Variants in SDCCAG8 observed in about 807,000 individuals in gnomAD.
The protein encoded by SDCCAG8 is SHH signaling and ciliogenesis regulator SDCCAG8.
SDCCAG8 carries 74 observed loss-of-function variants against 101.8 expected under a neutral mutation model. That is an observed-to-expected ratio of 0.73 (90% CI 0.60 to 0.88). The LOEUF is 0.88. Among genes scored for constraint, SDCCAG8 ranks in the 40% least tolerant of loss-of-function variants. The pLI is 0.00. For missense variants in SDCCAG8, 787 were observed against 822.6 expected, an observed-to-expected ratio of 0.96 and a Z score of 0.53; for synonymous variants, 281 against 292.9, an observed-to-expected ratio of 0.96 and a Z score of 0.41.
chr1:243,491,157 G>A (rs963442273), intron 17 of SDCCAG8, among the ~76,000 whole-genome samples: 3 of 152,192 alleles, frequency 2.0e-5, no homozygotes, highest in Non-Finnish European at 4.4e-5. Context: ...CCATCTGCCT[G>A]CTTTACAGCA....
chr1:243,394,048 C>A (rs1340120622), intron 13 of SDCCAG8, among the ~76,000 whole-genome samples: 3 of 152,138 alleles, frequency 2.0e-5, no homozygotes, highest in East Asian at 1.9e-4. Flanking sequence ...ATTAAGTAGT[C>A]GTGGTTCTTG....
rs1401145435 is a variant in SDCCAG8 at position 243,274,545 on chromosome 1, G to T, written c.309G>T (p.Arg103Ser). Residue 103 changes from arginine (R) to serine (S), a missense_variant and splice_region_variant, in exon 4 of 18, where the codon AGG becomes AGT. Arg to Ser is a moderately radical substitution (Grantham distance 110, BLOSUM62 -1). Transcript: ENST00000366541. Reference sequence around the variant, plus strand: ...TATTTATTTATTTTTTGTCATAGAGGTCATTAGAACATGAGGAAACCAATA... The same window carrying T: ...TATTTATTTATTTTTTGTCATAGAGTTCATTAGAACATGAGGAAACCAATA... Reference protein sequence around the residue: ...PSRRRKMSPLRSLEHEETNMP... With the variant: ...PSRRRKMSPLSSLEHEETNMP... The T allele has an allele frequency of 2.6e-6, 4 of 1,533,620 alleles. No individual in the cohort carries two copies. Among genetic ancestry groups the T allele is most frequent in the East Asian group, 4.5e-5 (2 of 44,336 alleles).
chr1:243,290,204 C>T (rs1047583214), intron 5 of SDCCAG8, among the ~76,000 whole-genome samples: 3 of 135,524 alleles, frequency 2.2e-5, no homozygotes, highest in East Asian at 2.1e-4. Context: ...CCACCGCTCC[C>T]GCCCCCCGAT....
chr1:243,497,451 G>A (rs1411095060), intron 17 of SDCCAG8, among the ~76,000 whole-genome samples: 1 of 152,074 alleles, frequency 6.6e-6, no homozygotes, highest in Non-Finnish European at 1.5e-5. Flanking sequence ...GATGGCCATG[G>A]CTGATCTGCC....
intron 16 of SDCCAG8, among the ~76,000 whole-genome samples, chr1:243,460,421 A>C (rs1338923537): frequency 6.6e-6 from 1 of 152,180 alleles, no homozygotes; most frequent in East Asian, 1.9e-4. Flanking sequence ...GCCAGCAGGG[A>C]ACAGTCACTC....
rs540401252 is a variant in SDCCAG8 at position 243,460,475 on chromosome 1, A to T, written c.1986-28539A>T. Among the ~76,000 whole-genome samples the T allele has an allele frequency of 1.8e-4, 27 of 152,358 alleles. No homozygotes were observed. In the East Asian group the frequency reaches 5.0e-3, roughly 28 times the overall value. The stretch of plus-strand genomic sequence containing the variant: ...AGTGTGACTGATCACCACGCCAGTC[A>T]TGTCAAAACTGGACATTTCCTGTTC... On this transcript the variant is annotated intron_variant, in intron 16 of 17. Coordinates refer to ENST00000366541, the MANE Select transcript of SDCCAG8 (RefSeq NM_006642.5).
intron 8 of SDCCAG8, among the ~76,000 whole-genome samples, chr1:243,314,248 G>A (rs1009510474): frequency 2.6e-5 from 4 of 152,114 alleles, no homozygotes; most frequent in African/African-American, 9.7e-5. Context: ...CAGTGGTTAC[G>A]TGGAGTTTGA....
At position 243,416,448 on chromosome 1, in the gene SDCCAG8, C is replaced by T. The variant is rs2080590754; in HGVS notation, c.1744+619C>T. ...AACATTTTTAGCATTTGTATGATTT[C>T]CCCACCTCCCCCAACCCAATCTAGA... is the stretch of plus-strand genomic sequence containing the variant. On this transcript the variant is annotated intron_variant, in intron 14 of 17. Coordinates refer to ENST00000366541, the MANE Select transcript of SDCCAG8 (RefSeq NM_006642.5). The surrounding 1 kb of genome is among the most constrained non-coding windows in gnomAD (Gnocchi z 4.3). Among the ~76,000 whole-genome samples the T allele has an allele frequency of 6.6e-6, 1 of 152,140 alleles. No individual in the cohort carries two copies. Among genetic ancestry groups the T allele is most frequent in the African/African-American group, 2.4e-5 (1 of 41,438 alleles).
At position 243,312,755 on chromosome 1, in the gene SDCCAG8, AT is replaced by A. The variant is rs529498078; in HGVS notation, c.930-3999del. Among the ~76,000 whole-genome samples, 805 of 150,488 alleles carry A rather than the reference AT, an allele frequency of 5.3e-3. 8 individuals are homozygous for A. Among genetic ancestry groups the A allele is most frequent in the South Asian group, 0.011 (52 of 4,752 alleles). On this transcript the variant is annotated intron_variant, in intron 8 of 17. Transcript: ENST00000366541. ...GGCTTGTACAGTTGACAAGGAGGGG[AT>A]CAGGCATGACTTGGAGACCAGGCCA...
intron 13 of SDCCAG8, 54 bp downstream of exon 13, chr1:243,378,917 T>C (rs1422251964): frequency 1.5e-5 from 24 of 1,609,446 alleles, no homozygotes; most frequent in African/African-American, 4.0e-5. Context: ...CACTGATTTT[T>C]GCCACAGGCT....
chr1:243,395,285 A>C (rs1416150384), intron 13 of SDCCAG8, among the ~76,000 whole-genome samples: 1 of 152,182 alleles, frequency 6.6e-6, no homozygotes, highest in Non-Finnish European at 1.5e-5. Context: ...TTATACAGCA[A>C]ATCAGACCAT....
chr1:243,348,818 CAAAAAA>C lies in SDCCAG8; in HGVS notation c.1473+4500_1473+4505del, dbSNP rs34405078. On this transcript the variant is annotated intron_variant, in intron 12 of 17. Transcript: ENST00000366541. ...AGAAACCCCGTCTCTACTAAAAATA[CAAAAAA>C]AAAAAAAAAAAATTAGCCGGACATG... is the stretch of plus-strand genomic sequence containing the variant. Among the ~76,000 whole-genome samples, 1,179 of 131,256 alleles carry C rather than the reference CAAAAAA, an allele frequency of 9.0e-3. 8 individuals carry two copies. The highest frequency in any genetic ancestry group is 0.027 in the Middle Eastern group (7 of 260). The allele number at this position is 131,256 out of a possible 152,430, so 86.1% of individuals were successfully genotyped here.
Position 243,294,047 on chromosome 1 carries a change from C to T in SDCCAG8, c.675+828C>T, listed in dbSNP as rs752888017. 1.3e-4 allele frequency among the ~76,000 whole-genome samples: 20 copies of T among 152,092 alleles called. No individual in the cohort carries two copies. The Middle Eastern group carries it at 0.01, about 78-fold the overall frequency. On this transcript the variant is annotated intron_variant, in intron 6 of 17. Coordinates refer to ENST00000366541, the MANE Select transcript of SDCCAG8 (RefSeq NM_006642.5). ...TCTTTAGTTCTTTGTCCATGTTTGT[C>T]TCTTGGCTCTTTGAGTGTGTTTAAC...
At chr1:243,409,274 A>C (rs185395323) in intron 13 of SDCCAG8, among the ~76,000 whole-genome samples, 12 of 152,290 alleles carry the variant, frequency 7.9e-5, no homozygotes, top group Admixed American at 2.6e-4. Flanking sequence ...CTTACTATTG[A>C]GGAAAAAATT....
chr1:243,281,046 A>T (rs1407615346), intron 4 of SDCCAG8, among the ~76,000 whole-genome samples: 1 of 152,018 alleles, frequency 6.6e-6, no homozygotes, highest in East Asian at 1.9e-4. Flanking sequence ...ATACATTTTG[A>T]TACACTTTTA....
chr1:243,398,030 G>A (rs2147963048), intron 13 of SDCCAG8, among the ~76,000 whole-genome samples: 1 of 152,222 alleles, frequency 6.6e-6, no homozygotes, highest in African/African-American at 2.4e-5. Flanking sequence ...AATAGAGGAG[G>A]AGCTATTAAG....
intron 10 of SDCCAG8, among the ~76,000 whole-genome samples, chr1:243,337,799 CT>C (rs2075114652): frequency 6.6e-6 from 1 of 152,120 alleles, no homozygotes; most frequent in Non-Finnish European, 1.5e-5. Flanking sequence ...AGCAGACAGA[CT>C]TTTATATAAA....
At chr1:243,366,379 C>T (rs1266344140) in intron 12 of SDCCAG8, among the ~76,000 whole-genome samples, 4 of 151,852 alleles carry the variant, frequency 2.6e-5, no homozygotes, top group Non-Finnish European at 5.9e-5. Context: ...AGGAGCTACA[C>T]CACTGTAATT....
intron 10 of SDCCAG8, 106 bp from the exon 11 acceptor site, chr1:243,340,933 C>A: frequency 8.6e-7 from 1 of 1,157,506 alleles, no homozygotes. Context: ...AGAGAAATGG[C>A]TCACAGAGCC....
Sources: allele counts gnomAD v4.1 joint callset (sites outside exome capture counted in the v4.1 genomes callset), GRCh38; gene constraint gnomAD v4.1.1; non-coding constraint Gnocchi (gnomAD v3.1); transcripts MANE v1.5; gene names NCBI Gene and HGNC (gene_info 2026-07-23, HGNC 2026-07-21).